The following CDH9 variants were observed in gnomAD, a reference collection of about 807,000 sequenced individuals.
The protein encoded by CDH9 is cadherin 9.
A neutral mutation model predicts 70.9 loss-of-function variants in CDH9; 28 were observed. The ratio of observed to expected loss-of-function variants is 0.40; its 90% CI spans 0.29 to 0.54. The LOEUF (loss-of-function observed/expected upper bound fraction) is 0.54. Among genes scored for constraint, CDH9 ranks in the 20% least tolerant of loss-of-function variants. CDH9 has a pLI of 0.59. For synonymous variants in CDH9, 409 were observed against 343.1 expected, an observed-to-expected ratio of 1.19 and a Z score of -2.12; for missense variants, 874 against 984.4, an observed-to-expected ratio of 0.89 and a Z score of 1.50.
At chr5:27,017,594 T>A (rs1441597758) in intron 1 of CDH9, among the ~76,000 whole-genome samples, 2 of 152,064 alleles carry the variant, frequency 1.3e-5, no homozygotes. Context: ...TTTGTTTGTT[T>A]GTTTTAGTTT....
At chr5:26,999,235 CTAAAAAAAAA>C (rs1283739118) in intron 1 of CDH9, among the ~76,000 whole-genome samples, 1 of 150,150 alleles carries the variant, frequency 6.7e-6, no homozygotes, top group African/African-American at 2.4e-5. Flanking sequence ...GAGACTCCGT[CTAAAAAAAAA>C]TAAAAATAAA....
Position 26,977,487 on chromosome 5 carries a change from A to ATATATATATATATATATATATATG in CDH9, c.228+10618_228+10619insCATATATATATATATATATATATA, listed in dbSNP as rs1554001716. 5.0e-4 allele frequency among the ~76,000 whole-genome samples: 51 copies of ATATATATATATATATATATATATG among 102,782 alleles called. 1 individual carries two copies. The highest frequency in any genetic ancestry group is 3.3e-3 in the African/African-American group (47 of 14,236). 67.4% of individuals were successfully genotyped at this position (102,782 alleles called of 152,430 possible). A position where few individuals can be genotyped will look rare whatever the true frequency, so the allele number is the denominator to read the frequency against. ...TATATGTGTGCGTGTGTGTGTGTGT[A>ATATATATATATATATATATATATG]TATATATATATATATATATATGGCA... On this transcript the variant is annotated intron_variant, in intron 2 of 11. Coordinates refer to ENST00000231021, the MANE Select transcript of CDH9 (RefSeq NM_016279.4).
intron 2 of CDH9, among the ~76,000 whole-genome samples, chr5:26,926,488 A>C (rs1422979821): frequency 6.6e-6 from 1 of 152,170 alleles, no homozygotes; most frequent in East Asian, 1.9e-4. Flanking sequence ...GATAGGAAGA[A>C]TCAATATCAT....
chr5:26,925,366 C>T (rs1427488876), intron 2 of CDH9, among the ~76,000 whole-genome samples: 1 of 152,114 alleles, frequency 6.6e-6, no homozygotes, highest in Non-Finnish European at 1.5e-5. Context: ...AGTATCTGTT[C>T]ATATCCTTTG....
In CDH9 at chr5:27,024,691, C is replaced by T. The variant is rs188449413; in HGVS notation, c.-50+13772G>A. Among the ~76,000 whole-genome samples, 396 of 152,194 alleles carry T rather than the reference C, an allele frequency of 2.6e-3. 2 individuals are homozygous for T. The highest frequency in any genetic ancestry group is 9.0e-3 in the African/African-American group (375 of 41,566). ...CAATTCCAAGAATTCTAATTATCTA[C>T]ATTTTTGCATGAGAAAACTGATATT... On this transcript the variant is annotated intron_variant, in intron 1 of 11. Transcript: ENST00000231021.
chr5:26,986,382 A>C (rs1478546979), intron 2 of CDH9, among the ~76,000 whole-genome samples: 1 of 152,170 alleles, frequency 6.6e-6, no homozygotes, highest in Non-Finnish European at 1.5e-5. Flanking sequence ...ATGTACATTT[A>C]GTAATTGTTT....
chr5:26,891,061 G>A lies in CDH9; in HGVS notation c.1254-497C>T, dbSNP rs998614827. On this transcript the variant is annotated intron_variant, in intron 7 of 11. Coordinates refer to ENST00000231021, the MANE Select transcript of CDH9 (RefSeq NM_016279.4). ...TCAAGGAATATCCAGCTGAATCAAG[G>A]TCTTTCTCTACTCTATCCCTCCAAC... Among the ~76,000 whole-genome samples, 5 of 152,202 alleles carry A rather than the reference G, an allele frequency of 3.3e-5. No individual in the cohort carries two copies. In the South Asian group the frequency reaches 1.0e-3, roughly 32 times the overall value.
intron 1 of CDH9, among the ~76,000 whole-genome samples, chr5:27,027,297 T>C (rs971616338): frequency 1.3e-5 from 2 of 152,042 alleles, no homozygotes; most frequent in Non-Finnish European, 2.9e-5. Context: ...AGGAACCTTA[T>C]GATGTGAATA....
chr5:27,017,563 C>T (rs1257668132), intron 1 of CDH9, among the ~76,000 whole-genome samples: 1 of 151,890 alleles, frequency 6.6e-6, no homozygotes, highest in Non-Finnish European at 1.5e-5. Flanking sequence ...TAAGACCTAA[C>T]TTAGTTCTTT....
intron 7 of CDH9, among the ~76,000 whole-genome samples, chr5:26,894,795 C>A (rs888402814): frequency 3.3e-5 from 5 of 151,996 alleles, no homozygotes; most frequent in Non-Finnish European, 7.4e-5. Flanking sequence ...GGTCCCCCTG[C>A]ATTGAATTTT....
At chr5:26,905,878 A>T in intron 5 of CDH9, 81 bp downstream of exon 5, 1 of 1,001,614 alleles carries the variant, frequency 1.0e-6, no homozygotes, top group Non-Finnish European at 1.5e-6. Flanking sequence ...CAAAACTACT[A>T]GTATGAAATG....
intron 1 of CDH9, among the ~76,000 whole-genome samples, chr5:27,027,314 T>C (rs913609232): frequency 5.3e-5 from 8 of 152,056 alleles, no homozygotes; most frequent in Admixed American, 5.3e-4. Flanking sequence ...AATATTTACA[T>C]TCAGACTTAG....
At chr5:27,031,821 G>A (rs1372127179) in intron 1 of CDH9, among the ~76,000 whole-genome samples, 2 of 151,832 alleles carry the variant, frequency 1.3e-5, no homozygotes, top group Non-Finnish European at 2.9e-5. Context: ...CTGTCATTTG[G>A]TCTCTGTAGG....
At chr5:26,943,968 G>T (rs1741704853) in intron 2 of CDH9, among the ~76,000 whole-genome samples, 1 of 152,116 alleles carries the variant, frequency 6.6e-6, no homozygotes. Context: ...TTCAGCCTAT[G>T]AAATTTGATT....
intron 1 of CDH9, among the ~76,000 whole-genome samples, chr5:26,989,570 A>G (rs1175876801): frequency 6.6e-6 from 1 of 150,880 alleles, no homozygotes; most frequent in African/African-American, 2.4e-5. Context: ...CACCCTGACT[A>G]AACCCCCTCA....
At chr5:27,007,427 T>C (rs1489741289) in intron 1 of CDH9, among the ~76,000 whole-genome samples, 4 of 152,044 alleles carry the variant, frequency 2.6e-5, no homozygotes, top group Admixed American at 2.6e-4. Flanking sequence ...AATTATAAAA[T>C]GTATGCAAAT....
intron 2 of CDH9, among the ~76,000 whole-genome samples, chr5:26,979,337 A>C (rs1242417150): frequency 6.6e-6 from 1 of 151,744 alleles, no homozygotes; most frequent in Non-Finnish European, 1.5e-5. Context: ...AGATGCCTTA[A>C]ATACAGACTA....
intron 2 of CDH9, among the ~76,000 whole-genome samples, chr5:26,925,584 T>C (rs1216237171): frequency 6.6e-6 from 1 of 152,222 alleles, no homozygotes; most frequent in African/African-American, 2.4e-5. Context: ...TTGGCTTTTG[T>C]TGCCATTACT....
rs1045292277 is a variant in CDH9, at chr5:26,965,910, A to T, written c.228+22196T>A. ...TAGAATAGAAAGGAAAACACTTTCTACTTTCACAAGCATTAAAAATGTTGA... is the reference window on the plus strand; with the variant it reads ...TAGAATAGAAAGGAAAACACTTTCTTCTTTCACAAGCATTAAAAATGTTGA... On this transcript the variant is annotated intron_variant, in intron 2 of 11. Coordinates refer to ENST00000231021, the MANE Select transcript of CDH9 (RefSeq NM_016279.4). Among the ~76,000 whole-genome samples the T allele has an allele frequency of 4.6e-5, 7 of 152,312 alleles. No homozygotes were observed. In the South Asian group the frequency reaches 1.5e-3, roughly 32 times the overall value.
Sources: gnomAD v4.1 joint callset for allele counts (sites outside exome capture counted in the v4.1 genomes callset) on GRCh38, gnomAD v4.1.1 for gene constraint, MANE v1.5 for transcripts, NCBI Gene and HGNC (gene_info 2026-07-23, HGNC 2026-07-21) for gene names.